The following DRC11L variants were observed in gnomAD, a reference collection of about 807,000 sequenced individuals.
DRC11L encodes the protein dynein regulatory complex subunit 11 like.
the DRC11L span, among the ~76,000 whole-genome samples, chr7:151,203,690 C>T: frequency 6.6e-6 from 1 of 152,192 alleles, no homozygotes; most frequent in African/African-American, 2.4e-5. Flanking sequence ...TCCTCTCTTC[C>T]TCTGCCCCCA....
At chr7:151,204,616 C>G in the DRC11L span, 13 of 399,046 alleles carry the variant, frequency 3.3e-5, no homozygotes, top group Admixed American at 8.8e-5. Flanking sequence ...GCCACGCCGT[C>G]CAGCAGGCGT....
At chr7:151,193,744 G>C in the DRC11L span, among the ~76,000 whole-genome samples, 1 of 152,094 alleles carries the variant, frequency 6.6e-6, no homozygotes, top group Non-Finnish European at 1.5e-5. Flanking sequence ...GGAGGAGCCT[G>C]CTACCCCCAC....
chr7:151,196,803 C>G, the DRC11L span, among the ~76,000 whole-genome samples: 1 of 152,198 alleles, frequency 6.6e-6, no homozygotes, highest in African/African-American at 2.4e-5. Context: ...TCTGTAACGC[C>G]CCCACCCGAA....
the DRC11L span, chr7:151,198,927 C>T: frequency 8.5e-5 from 34 of 399,074 alleles, no homozygotes; most frequent in East Asian, 7.8e-4. Context: ...CTCCATCTGG[C>T]GGAGCCTCTG....
At chr7:151,195,540 G>A in the DRC11L span, 22 of 399,834 alleles carry the variant, frequency 5.5e-5, no homozygotes, top group Admixed American at 8.8e-5. Flanking sequence ...CTCCCTGTGT[G>A]CCCTCCCCTG....
At chr7:151,198,583 G>A in the DRC11L span, among the ~76,000 whole-genome samples, 1 of 152,182 alleles carries the variant, frequency 6.6e-6, no homozygotes, top group Non-Finnish European at 1.5e-5. Context: ...GTGGAATTGA[G>A]AAGTCAGGTG....
chr7:151,205,182 G>A, the DRC11L span, among the ~76,000 whole-genome samples: 1 of 152,158 alleles, frequency 6.6e-6, no homozygotes. Flanking sequence ...GCAGCCCACG[G>A]ATGCTGCAGT....
At chr7:151,191,921 C>T in the DRC11L span, 2 of 399,170 alleles carry the variant, frequency 5.0e-6, no homozygotes, top group African/African-American at 2.1e-5. Flanking sequence ...GCAGTGGGCA[C>T]CAGGGAGGGG....
the DRC11L span, chr7:151,194,534 C>T: frequency 7.5e-6 from 3 of 399,344 alleles, no homozygotes; most frequent in Non-Finnish European, 1.3e-5. Flanking sequence ...TCTTTCAATG[C>T]TACTGACTCA....
At chr7:151,200,675 C>G in the DRC11L span, among the ~76,000 whole-genome samples, 1 of 152,092 alleles carries the variant, frequency 6.6e-6, no homozygotes, top group Non-Finnish European at 1.5e-5. Flanking sequence ...CCAGGGCCCC[C>G]CAGGGATTTC....
At chr7:151,194,227 T>C in the DRC11L span, 1 of 398,846 alleles carries the variant, frequency 2.5e-6, no homozygotes, top group Non-Finnish European at 4.4e-6. Flanking sequence ...TGCCCAGAGC[T>C]GGCTCCTCAC....
chr7:151,192,322 GT>G, the DRC11L span: 1 of 399,010 alleles, frequency 2.5e-6, no homozygotes, highest in Admixed American at 4.4e-5. Flanking sequence ...GGATCCGCTC[GT>G]AGACCCGGCA....
chr7:151,191,830 C>T, the DRC11L span: 1 of 399,256 alleles, frequency 2.5e-6, no homozygotes, highest in East Asian at 3.6e-5. Context: ...TGTCCAGGTG[C>T]TGGGTCGGCT....
the DRC11L span, chr7:151,196,980 AG>A: frequency 2.5e-6 from 1 of 399,274 alleles, no homozygotes; most frequent in East Asian, 3.6e-5. Context: ...CTCTTACTTA[AG>A]TATTCTTCAT....
chr7:151,196,807 A>G, the DRC11L span, among the ~76,000 whole-genome samples: 1 of 151,978 alleles, frequency 6.6e-6, no homozygotes, highest in African/African-American at 2.4e-5. Context: ...TAACGCCCCC[A>G]CCCGAAGAAG....
the DRC11L span, chr7:151,203,095 C>G: frequency 2.5e-6 from 1 of 399,132 alleles, no homozygotes; most frequent in East Asian, 3.6e-5. Context: ...TCCTGTAAAG[C>G]TCTGGCCAGA....
the DRC11L span, chr7:151,191,561 G>A: frequency 2.5e-6 from 1 of 398,454 alleles, no homozygotes; most frequent in African/African-American, 2.1e-5. Context: ...AGCAGAGAGA[G>A]GGGTCCGAGT....
the DRC11L span, chr7:151,195,469 T>C: frequency 2.5e-6 from 1 of 399,424 alleles, no homozygotes; most frequent in Non-Finnish European, 4.4e-6. Context: ...TTTCCCAGTT[T>C]TCTTCCCAGG....
the DRC11L span, chr7:151,204,861 C>T: frequency 1.0e-5 from 4 of 398,974 alleles, no homozygotes; most frequent in East Asian, 1.1e-4. Flanking sequence ...GCGGGCGCCG[C>T]GTGCTCTGAG....
Sources: allele counts gnomAD v4.1 joint callset (sites outside exome capture counted in the v4.1 genomes callset), GRCh38; gene constraint gnomAD v4.1.1; transcripts MANE v1.5; gene names NCBI Gene and HGNC (gene_info 2026-07-23, HGNC 2026-07-21).